Variants in MICAL2 observed in about 807,000 individuals in gnomAD.
MICAL2 encodes the protein microtubule associated monooxygenase, calponin and LIM domain containing 2.
In MICAL2, 77 loss-of-function variants were observed where a neutral mutation model predicts 127.3. The ratio of observed to expected loss-of-function variants is 0.60; its 90% CI spans 0.50 to 0.73. The LOEUF (loss-of-function observed/expected upper bound fraction) is 0.73. Among genes scored for constraint, MICAL2 ranks in the 30% least tolerant of loss-of-function variants. The probability of loss-of-function intolerance (pLI) is 0.00; values close to 1 mark genes in which losing one functional copy is unlikely to be tolerated. For synonymous variants in MICAL2, 570 were observed against 551.1 expected (o/e 1.03, Z -0.48); for missense variants, 1,351 against 1,434.4 (o/e 0.94, Z 0.94).
At chr11:12,292,122 A>G, downstream of MICAL2, 1 of 1,609,530 alleles carries the variant, frequency 6.2e-7, no homozygotes, top group Non-Finnish European at 8.5e-7. Context: ...TGTAATGAAG[A>G]GTGTGTTCTT....
At chr11:12,188,108 G>A (rs1163957310) in intron 3 of MICAL2, among the ~76,000 whole-genome samples, 1 of 152,210 alleles carries the variant, frequency 6.6e-6, no homozygotes, top group Non-Finnish European at 1.5e-5. Context: ...CACTTGAAAT[G>A]TGGTAAGTCC....
At chr11:12,131,951 G>T (rs1691873323) in intron 1 of MICAL2, among the ~76,000 whole-genome samples, 1 of 152,182 alleles carries the variant, frequency 6.6e-6, no homozygotes, top group Non-Finnish European at 1.5e-5. Flanking sequence ...GTTATTCTTT[G>T]ATAGGTATTA....
chr11:12,210,116 C>T (rs1228074541), intron 6 of MICAL2, among the ~76,000 whole-genome samples: 1 of 152,174 alleles, frequency 6.6e-6, no homozygotes, highest in African/African-American at 2.4e-5. Flanking sequence ...CACTGCTGGG[C>T]AGGCAGGTAT....
intron 32 of MICAL2, among the ~76,000 whole-genome samples, chr11:12,336,170 T>A (rs537972759): frequency 6.6e-6 from 1 of 152,322 alleles, no homozygotes; most frequent in African/African-American, 2.4e-5. Flanking sequence ...GCCCTTCACA[T>A]CCCTTGTAAG....
chr11:12,350,506 A>G (rs1015758400), intron 33 of MICAL2, among the ~76,000 whole-genome samples: 2 of 152,194 alleles, frequency 1.3e-5, no homozygotes, highest in Admixed American at 1.3e-4. Flanking sequence ...TTTAGTATCA[A>G]TTGAAGTGCC....
At chr11:12,248,799 A>G (rs181275265) in intron 21 of MICAL2, among the ~76,000 whole-genome samples, 5 of 28,484 alleles carry the variant, frequency 1.8e-4, no homozygotes, top group African/African-American at 3.9e-4. Context: ...GCTGCCTCCA[A>G]CCTCACTGTT....
intron 11 of MICAL2, 21 bp downstream of exon 11, chr11:12,222,764 C>T: frequency 6.2e-7 from 1 of 1,613,884 alleles, no homozygotes. Context: ...TGCTGGGGCT[C>T]TGTCTGAATC....
chr11:12,201,294 G>C (rs1230681521), intron 3 of MICAL2, among the ~76,000 whole-genome samples: 1 of 152,070 alleles, frequency 6.6e-6, no homozygotes, highest in Non-Finnish European at 1.5e-5. Flanking sequence ...CACACTGATC[G>C]TGGTGTGGGA....
At chr11:12,220,609 C>A in intron 9 of MICAL2, 151 bp downstream of exon 9, 1 of 1,144,468 alleles carries the variant, frequency 8.7e-7, no homozygotes, top group South Asian at 1.6e-5. Flanking sequence ...GGCCTCAGAG[C>A]CTGTCCTGTT....
At chr11:12,171,064 T>C (rs1856194939) in intron 3 of MICAL2, among the ~76,000 whole-genome samples, 1 of 152,178 alleles carries the variant, frequency 6.6e-6, no homozygotes, top group Non-Finnish European at 1.5e-5. Context: ...TTTAAGCATC[T>C]GTCCAAGTTT....
intron 21 of MICAL2, 84 bp from the exon 22 acceptor site, chr11:12,249,100 A>G: frequency 1.3e-6 from 2 of 1,579,384 alleles, no homozygotes; most frequent in Admixed American, 3.4e-5. Context: ...AGTATCCTGT[A>G]AAGCTTCTCT....
chr11:12,312,962 C>G (rs557834786), intron 29 of MICAL2, among the ~76,000 whole-genome samples: 2 of 151,874 alleles, frequency 1.3e-5, no homozygotes, highest in South Asian at 2.1e-4. Flanking sequence ...GTCAGGAGAT[C>G]GAGACCATTC....
chr11:12,249,311 G>T, intron 22 of MICAL2, 65 bp downstream of exon 22: 2 of 930,518 alleles, frequency 2.1e-6, no homozygotes, highest in East Asian at 2.4e-5. Flanking sequence ...AGACCCACCT[G>T]CAGGGCTCTG....
At chr11:12,270,961 C>T (rs1863667949) in intron 24 of MICAL2, among the ~76,000 whole-genome samples, 1 of 152,180 alleles carries the variant, frequency 6.6e-6, no homozygotes. Context: ...TCTCCATAAC[C>T]CTGCGGCAGG....
intron 3 of MICAL2, among the ~76,000 whole-genome samples, chr11:12,175,106 G>C (rs1174174376): frequency 6.6e-6 from 1 of 151,818 alleles, no homozygotes; most frequent in African/African-American, 2.4e-5. Context: ...CTGGGCAACA[G>C]AGTAAGACTC....
At chr11:12,204,489 G>GGGA in intron 4 of MICAL2, 32 bp downstream of exon 4, 1 of 1,605,438 alleles carries the variant, frequency 6.2e-7, no homozygotes, top group East Asian at 2.2e-5. Context: ...ATCCCATGAA[G>GGGA]GGAGGGGACT....
At chr11:12,293,454 A>T, downstream of MICAL2, 1 of 1,367,922 alleles carries the variant, frequency 7.3e-7, no homozygotes, top group Non-Finnish European at 9.9e-7. Flanking sequence ...GGCATCTGAG[A>T]TGGGAAGAAA....
rs950308107 is a variant in MICAL2, at chr11:12,168,436, CACAT to C, written c.264+6021_264+6024del. Among the ~76,000 whole-genome samples the C allele has an allele frequency of 3.9e-4, 59 of 151,740 alleles. 1 individual carries two copies. Among genetic ancestry groups the C allele is most frequent in the African/African-American group, 2.7e-4 (11 of 41,366 alleles). On this transcript the variant is annotated intron_variant, in intron 3 of 27. Transcript: ENST00000683283. Reference sequence around the variant, plus strand: ...ACATACCCCCCACACACCATATACACACATACACACACCACACACACGTACATAC... The same window carrying C: ...ACATACCCCCCACACACCATATACACACACACACCACACACACGTACATAC...
chr11:12,303,227 A>G (rs1483984617), intron 29 of MICAL2, among the ~76,000 whole-genome samples: 1 of 151,680 alleles, frequency 6.6e-6, no homozygotes, highest in Non-Finnish European at 1.5e-5. Context: ...AAACAATATC[A>G]CTTTCCTTTA....
Sources: gnomAD v4.1 joint callset for allele counts (sites outside exome capture counted in the v4.1 genomes callset) on GRCh38, gnomAD v4.1.1 for gene constraint, MANE v1.5 for transcripts, NCBI Gene and HGNC (gene_info 2026-07-23, HGNC 2026-07-21) for gene names.